PTAFR: variants seen among roughly 807,000 people sequenced by gnomAD.
PTAFR encodes platelet activating factor receptor, also known as platelet-activating factor receptor.
Under a neutral mutation model 14.7 loss-of-function variants are expected in PTAFR, and 8 were observed. That is an observed-to-expected ratio of 0.54 (90% CI 0.32 to 0.98). The LOEUF (loss-of-function observed/expected upper bound fraction) is 0.98. PTAFR is among the 50% of genes least tolerant of loss of function. The probability of loss-of-function intolerance (pLI) is 0.04; values close to 1 mark genes in which losing one functional copy is unlikely to be tolerated. For synonymous variants in PTAFR, 156 were observed against 176.5 expected (o/e 0.88, Z 0.92); for missense variants, 337 against 451.2 (o/e 0.75, Z 2.29).
At chr1:28,178,712 C>T (rs1646538418), upstream of PTAFR, among the ~76,000 whole-genome samples, 1 of 152,046 alleles carries the variant, frequency 6.6e-6, no homozygotes, top group Admixed American at 6.6e-5. Flanking sequence ...CGCCTACTCT[C>T]ATGCGAAGAT....
chr1:28,157,891 A>C (rs1646283735), intron 1 of PTAFR, among the ~76,000 whole-genome samples: 2 of 152,162 alleles, frequency 1.3e-5, no homozygotes, highest in South Asian at 4.2e-4. Context: ...CGGCCTCCCA[A>C]AGTGCTGGGA....
intron 1 of PTAFR, among the ~76,000 whole-genome samples, chr1:28,155,637 G>A (rs530170052): frequency 6.6e-6 from 1 of 152,282 alleles, no homozygotes; most frequent in East Asian, 1.9e-4. Context: ...GGCCAAGGCA[G>A]GCAGATTGCT....
intron 1 of PTAFR, chr1:28,193,682 G>A (rs1456589936): frequency 1.3e-5 from 2 of 152,682 alleles, no homozygotes; most frequent in Non-Finnish European, 2.9e-5. Context: ...AGACAAAGCG[G>A]CCGAAACTTA....
At chr1:28,187,663 TG>T (rs1468965950) in intron 1 of PTAFR, among the ~76,000 whole-genome samples, 1 of 152,034 alleles carries the variant, frequency 6.6e-6, no homozygotes, top group East Asian at 1.9e-4. Flanking sequence ...GTGTATTTTT[TG>T]TAAAGGTGGG....
intron 1 of PTAFR, among the ~76,000 whole-genome samples, chr1:28,172,119 G>C (rs534030388): frequency 6.6e-6 from 1 of 152,262 alleles, no homozygotes; most frequent in Admixed American, 6.5e-5. Context: ...AGGTTCAAGC[G>C]ATCCTCATGT....
chr1:28,166,009 A>G (rs117348173), intron 1 of PTAFR, among the ~76,000 whole-genome samples: 67 of 152,336 alleles, frequency 4.4e-4, no homozygotes, highest in East Asian at 2.7e-3. Flanking sequence ...AGTCAAAACA[A>G]TCTTGAGAAA....
At chr1:28,173,904 A>G (rs1247774878) in intron 1 of PTAFR, among the ~76,000 whole-genome samples, 1 of 152,158 alleles carries the variant, frequency 6.6e-6, no homozygotes, top group Non-Finnish European at 1.5e-5. Flanking sequence ...AAAGACACAC[A>G]GAGGCATATC....
chr1:28,180,677 C>T (rs940386887), upstream of PTAFR, among the ~76,000 whole-genome samples: 1 of 152,106 alleles, frequency 6.6e-6, no homozygotes, highest in African/African-American at 2.4e-5. Context: ...CTGAGAAAAT[C>T]ACAGAAACTG....
At chr1:28,185,833 T>C (rs1422411787) in intron 1 of PTAFR, among the ~76,000 whole-genome samples, 1 of 152,112 alleles carries the variant, frequency 6.6e-6, no homozygotes, top group Non-Finnish European at 1.5e-5. Flanking sequence ...TAAACAAGAT[T>C]TCTGGATATA....
Position 28,149,778 on chromosome 1 carries a change from ATGCGCCC to A in PTAFR, c.*208_*214del. ...AGTCATCAGTCACAGTTACTGTAGT[ATGCGCCC>A]ACAGGCGGATGAAGGGGCTCATTTG... On this transcript the variant is annotated 3_prime_UTR_variant, in exon 2 of 2. Transcript: ENST00000373857. 1.7e-6 allele frequency: 1 copy of A among 588,062 alleles called. No individual in the cohort carries two copies. The highest frequency in any genetic ancestry group is 3.0e-6 in the Non-Finnish European group (1 of 337,254). 36.4% of individuals were successfully genotyped at this position (588,062 alleles called of 1,614,324 possible). A position where few individuals can be genotyped will look rare whatever the true frequency, so the allele number is the denominator to read the frequency against.
chr1:28,162,374 G>A (rs1646333822), intron 1 of PTAFR, among the ~76,000 whole-genome samples: 1 of 152,146 alleles, frequency 6.6e-6, no homozygotes, highest in South Asian at 2.1e-4. Flanking sequence ...CGACAGGATT[G>A]CCTACTCCCC....
rs1031378987 is a variant in PTAFR, at chr1:28,149,898, A to G, written c.*95T>C. ...AATCTAATGGCCCACCAGTGCCCACAGAGGTGGTGCCCAGACCACAGTAGA... is the reference window on the plus strand; with the variant it reads ...AATCTAATGGCCCACCAGTGCCCACGGAGGTGGTGCCCAGACCACAGTAGA... On this transcript the variant is annotated 3_prime_UTR_variant, in exon 2 of 2. Transcript: ENST00000373857. 1 of 1,455,666 alleles carries G rather than the reference A, an allele frequency of 6.9e-7. No homozygotes were observed. The highest frequency in any genetic ancestry group is 1.4e-5 in the African/African-American group (1 of 70,422). The allele number at this position is 1,455,666 out of a possible 1,614,324, so 90.2% of individuals were successfully genotyped here. A position where few individuals can be genotyped will look rare whatever the true frequency, so the allele number is the denominator to read the frequency against.
intron 1 of PTAFR, among the ~76,000 whole-genome samples, chr1:28,170,741 C>T (rs1276022592): frequency 6.6e-6 from 1 of 151,148 alleles, no homozygotes; most frequent in Non-Finnish European, 1.5e-5. Context: ...TGGCTCACGC[C>T]TGTAATCCCA....
intron 1 of PTAFR, among the ~76,000 whole-genome samples, chr1:28,186,869 G>A (rs1260426243): frequency 4.6e-5 from 7 of 152,202 alleles, no homozygotes; most frequent in Non-Finnish European, 8.8e-5. Flanking sequence ...AGATTGCAGT[G>A]AGCCGAGATC....
chr1:28,182,219 C>G (rs1646568315), intron 1 of PTAFR, among the ~76,000 whole-genome samples: 1 of 151,786 alleles, frequency 6.6e-6, no homozygotes, highest in Non-Finnish European at 1.5e-5. Context: ...GCCTGTAATT[C>G]CAACTACTCA....
At chr1:28,185,862 C>A (rs1646602025) in intron 1 of PTAFR, among the ~76,000 whole-genome samples, 1 of 152,102 alleles carries the variant, frequency 6.6e-6, no homozygotes, top group Admixed American at 6.6e-5. Context: ...ATGTAAAAAG[C>A]AATCATGCTC....
At position 28,184,082 on chromosome 1, in the gene PTAFR, GT is replaced by G. The variant is rs1165813776; in HGVS notation, c.-39+9639del. Reference sequence around the variant, plus strand: ...TCCATACTCACGTCCCCATTAGTCTGTTTTTTTTTTTTTTTTTTTTTTTTTT... The same window carrying G: ...TCCATACTCACGTCCCCATTAGTCTGTTTTTTTTTTTTTTTTTTTTTTTTT... On this transcript the variant is annotated intron_variant, in intron 1 of 1. Transcript: ENST00000305392. 1.5e-3 allele frequency among the ~76,000 whole-genome samples: 123 copies of G among 82,388 alleles called. 1 individual carries two copies. The highest frequency in any genetic ancestry group is 3.7e-3 in the African/African-American group (74 of 20,138). 54.0% of individuals were successfully genotyped at this position (82,388 alleles called of 152,430 possible).
intron 1 of PTAFR, among the ~76,000 whole-genome samples, chr1:28,188,419 C>T (rs1646623786): frequency 2.0e-5 from 3 of 152,156 alleles, no homozygotes; most frequent in African/African-American, 7.2e-5. Context: ...GCACGCCAGC[C>T]TGGGTGACAG....
rs1210323511 is a variant in PTAFR at position 28,147,593 on chromosome 1, CAT to C, written c.*2398_*2399del. ...CAACACACACAGACAAACACACACA[CAT>C]GGACACAGTCACAGCTCCAGGGTTT... is the stretch of plus-strand genomic sequence containing the variant. On this transcript the variant is annotated 3_prime_UTR_variant, in exon 2 of 2. Coordinates refer to ENST00000373857, the MANE Select transcript of PTAFR (RefSeq NM_000952.5). The C allele has an allele frequency of 6.6e-6, 1 of 152,310 alleles. No individual in the cohort carries two copies. Among genetic ancestry groups the C allele is most frequent in the Non-Finnish European group, 1.5e-5 (1 of 68,152 alleles). The allele number at this position is 152,310 out of a possible 1,614,324, so 9.4% of individuals were successfully genotyped here. A position where few individuals can be genotyped will look rare whatever the true frequency, so the allele number is the denominator to read the frequency against.
Sources: gnomAD v4.1 joint callset for allele counts (sites outside exome capture counted in the v4.1 genomes callset) on GRCh38, gnomAD v4.1.1 for gene constraint, MANE v1.5 for transcripts, NCBI Gene and HGNC (gene_info 2026-07-23, HGNC 2026-07-21) for gene names.